The following PAK5 variants were observed in gnomAD, a reference collection of about 807,000 sequenced individuals.
PAK5 encodes p21 (RAC1) activated kinase 5.
PAK5 carries 16 observed loss-of-function variants against 65.9 expected under a neutral mutation model. That is an observed-to-expected ratio of 0.24 (90% CI 0.16 to 0.37). PAK5 has a LOEUF of 0.37. Among genes scored for constraint, PAK5 ranks in the 10% least tolerant of loss-of-function variants. The pLI is 1.00. For missense variants in PAK5, 785 were observed against 903.9 expected (o/e 0.87, Z 1.69); for synonymous variants, 371 against 354.9 (o/e 1.05, Z -0.51).
At chr20:9,738,173 A>AC (rs1392926758) in intron 1 of PAK5, among the ~76,000 whole-genome samples, 1 of 152,000 alleles carries the variant, frequency 6.6e-6, no homozygotes, top group Admixed American at 6.6e-5. Context: ...AAACAAACAA[A>AC]AAAACAATGT....
Position 9,701,132 on chromosome 20 carries a change from C to T in PAK5, c.-12+10154G>A, listed in dbSNP as rs181645769. Among the ~76,000 whole-genome samples, 51 of 152,222 alleles carry T rather than the reference C, an allele frequency of 3.4e-4. 1 individual carries two copies. The highest frequency in any genetic ancestry group is 9.1e-4 in the African/African-American group (38 of 41,544). On this transcript the variant is annotated intron_variant, in intron 2 of 9. Coordinates refer to ENST00000353224, the MANE Select transcript of PAK5 (RefSeq NM_177990.4). ...CTCCACAGGCATGAGAACCCTGCTC[C>T]GCCCTTTGACGAGTCAAGCAAAGTC...
At chr20:9,720,351 A>G (rs749023973) in intron 1 of PAK5, among the ~76,000 whole-genome samples, 1 of 152,214 alleles carries the variant, frequency 6.6e-6, no homozygotes, top group Non-Finnish European at 1.5e-5. Context: ...AAACCCTTTC[A>G]TATTACAAGT....
Position 9,832,409 on chromosome 20 carries a change from A to G in PAK5, c.-162+6353T>C, listed in dbSNP as rs200502294. Among the ~76,000 whole-genome samples, 12 of 152,154 alleles carry G rather than the reference A, an allele frequency of 7.9e-5. No homozygotes were observed. The East Asian group carries it at 1.9e-3, about 25-fold the overall frequency. On this transcript the variant is annotated intron_variant, in intron 1 of 9. Transcript: ENST00000353224. ...TGCCTCAGCCTCCCAAGAAGTTGAG[A>G]TTACAGGAGTGTGCCACCACACCCA...
intron 1 of PAK5, among the ~76,000 whole-genome samples, chr20:9,779,446 C>T (rs888680827): frequency 4.7e-5 from 7 of 149,764 alleles, no homozygotes; most frequent in Non-Finnish European, 7.4e-5. Context: ...TTTTCAGTAT[C>T]GTTCTTTTTT....
chr20:9,646,831 T>C (rs6077577), intron 2 of PAK5, among the ~76,000 whole-genome samples: 110,342 of 152,054 alleles, frequency 0.73, 40,276 homozygotes, highest in East Asian at 0.97. Flanking sequence ...GATGAGGGGC[T>C]GTGTATCCCA....
At chr20:9,801,157 C>A (rs1011449982) in intron 1 of PAK5, among the ~76,000 whole-genome samples, 4 of 152,038 alleles carry the variant, frequency 2.6e-5, no homozygotes, top group African/African-American at 9.7e-5. Flanking sequence ...ATGATGAAAA[C>A]CTCCCATGTA....
At chr20:9,603,416 C>A (rs985909038) in intron 3 of PAK5, among the ~76,000 whole-genome samples, 73 of 152,312 alleles carry the variant, frequency 4.8e-4, no homozygotes, top group African/African-American at 1.6e-3. Flanking sequence ...ACCTCATTCC[C>A]TGAAGACTCC....
At chr20:9,802,072 G>GT (rs1202016352) in intron 1 of PAK5, among the ~76,000 whole-genome samples, 1 of 152,170 alleles carries the variant, frequency 6.6e-6, no homozygotes, top group Non-Finnish European at 1.5e-5. Flanking sequence ...GTCTGGGGAA[G>GT]TAAAAGAGCA....
intron 1 of PAK5, among the ~76,000 whole-genome samples, chr20:9,742,607 A>G (rs1395982949): frequency 6.6e-6 from 1 of 152,070 alleles, no homozygotes; most frequent in Non-Finnish European, 1.5e-5. Context: ...GTCCTCTTTC[A>G]TTTCTGCTGT....
At chr20:9,782,955 GT>G (rs200422682) in intron 1 of PAK5, among the ~76,000 whole-genome samples, 5,608 of 146,732 alleles carry the variant, frequency 0.038, 359 homozygotes, top group African/African-American at 0.13. Flanking sequence ...TTAAGACGGA[GT>G]TTCGCTCTTG....
chr20:9,544,455 T>C lies in PAK5; in HGVS notation c.1783A>G (p.Lys595Glu), dbSNP rs750522998. 17 of 1,613,890 alleles carry C rather than the reference T, an allele frequency of 1.1e-5. No homozygotes were observed. The highest frequency in any genetic ancestry group is 1.4e-5 in the Non-Finnish European group (16 of 1,179,840). ...AATGATTTCCTCTTCGGCACCTCTT[T>C]GGAAACTTGAGCACAGAAACCAAAA... The part of the protein sequence containing the change: ...SDFGFCAQVS[K>E]EVPKRKSLVG... The change falls in exon 8 of 10, where the codon AAA becomes GAA. Residue 595 changes from lysine (K) to glutamate (E), a missense_variant. Physicochemically the swap from Lys to Glu is moderately conservative, Grantham distance 56. Transcript: ENST00000353224.
chr20:9,595,985 C>T (rs1046631054), intron 3 of PAK5, among the ~76,000 whole-genome samples: 8 of 152,276 alleles, frequency 5.3e-5, no homozygotes, highest in African/African-American at 1.9e-4. Flanking sequence ...TCTGTCTCTT[C>T]TTCCTTCCAT....
chr20:9,593,605 A>C (rs780098781), intron 3 of PAK5, among the ~76,000 whole-genome samples: 2 of 152,076 alleles, frequency 1.3e-5, no homozygotes, highest in Non-Finnish European at 2.9e-5. Context: ...CCGGTGTGCG[A>C]TGTTCCCCTC....
intron 3 of PAK5, among the ~76,000 whole-genome samples, chr20:9,611,594 T>C (rs762552277): frequency 2.6e-5 from 4 of 152,210 alleles, no homozygotes; most frequent in Non-Finnish European, 4.4e-5. Context: ...TTTGAGTTAC[T>C]CACCACGGAG....
chr20:9,766,820 C>T (rs1296439060), intron 1 of PAK5, among the ~76,000 whole-genome samples: 1 of 151,832 alleles, frequency 6.6e-6, no homozygotes, highest in Non-Finnish European at 1.5e-5. Context: ...TGATATTCTG[C>T]TTTTTGATTT....
intron 1 of PAK5, among the ~76,000 whole-genome samples, chr20:9,733,647 A>G (rs995762977): frequency 3.9e-5 from 6 of 151,968 alleles, no homozygotes; most frequent in Non-Finnish European, 7.4e-5. Flanking sequence ...GTTTCACCAT[A>G]TTGGCCAGAC....
intron 3 of PAK5, among the ~76,000 whole-genome samples, chr20:9,634,091 G>A (rs1282384984): frequency 2.6e-5 from 4 of 152,116 alleles, no homozygotes; most frequent in Admixed American, 2.0e-4. Context: ...GTAACTGAGA[G>A]CATTCATTCA....
chr20:9,767,162 C>T (rs1327640578), intron 1 of PAK5, among the ~76,000 whole-genome samples: 3 of 152,048 alleles, frequency 2.0e-5, no homozygotes, highest in Non-Finnish European at 4.4e-5. Flanking sequence ...TTTTATCAGG[C>T]CACATGCAGT....
At chr20:9,833,522 C>T (rs917878248) in intron 1 of PAK5, among the ~76,000 whole-genome samples, 17 of 151,640 alleles carry the variant, frequency 1.1e-4, no homozygotes, top group Middle Eastern at 6.8e-3. Context: ...AACTTCCCCC[C>T]ACCTTTACCA....
Sources: gnomAD v4.1 joint callset for allele counts (sites outside exome capture counted in the v4.1 genomes callset) on GRCh38, gnomAD v4.1.1 for gene constraint, MANE v1.5 for transcripts, NCBI Gene and HGNC (gene_info 2026-07-23, HGNC 2026-07-21) for gene names.